The following EVC2 variants were observed in gnomAD, a reference collection of about 807,000 sequenced individuals.
EVC2 encodes limbin.
EVC2 carries 148 observed loss-of-function variants against 149.3 expected under a neutral mutation model. The observed-to-expected ratio is 0.99, with a 90% CI of 0.87 to 1.14. EVC2 has a LOEUF of 1.14. Ranked by LOEUF, EVC2 falls within the 50% of genes most tolerant of loss-of-function variation. EVC2 has a pLI of 0.00. For missense variants in EVC2, 1,854 were observed against 1,627.3 expected, an observed-to-expected ratio of 1.14 and a Z score of -2.40; for synonymous variants, 776 against 649.9, an observed-to-expected ratio of 1.19 and a Z score of -2.95.
At chr4:5,689,426 C>T (rs894268583) in intron 4 of EVC2, 83 bp from the exon 5 acceptor site, 5 of 1,370,640 alleles carry the variant, frequency 3.6e-6, no homozygotes, top group South Asian at 1.2e-5. Flanking sequence ...AGCCTGTGCA[C>T]ATTAGGCATC....
chr4:5,568,570 C>T lies in EVC2; in HGVS notation c.3431G>A (p.Ser1144Asn), dbSNP rs200609501. ...CTGTGAGGCTGTGGGCAGTACCACA[C>T]TCAGGAGCCGGCGAAGCGTGGCCCC... ...VPGATLRRLL[S>N]VVLPTASQPQ... Residue 1144 changes from serine (S) to asparagine (N), a missense_variant, in exon 20 of 22, where the codon AGT (serine) becomes AAT (asparagine). Physicochemically the swap from Ser to Asn is conservative, Grantham distance 46. Coordinates refer to ENST00000344408, the MANE Select transcript of EVC2 (RefSeq NM_147127.5). The T allele has an allele frequency of 4.8e-4, 771 of 1,607,020 alleles. 4 individuals carry two copies. Among genetic ancestry groups the T allele is most frequent in the Middle Eastern group, 3.8e-4 (2 of 5,280 alleles).
chr4:5,685,881 T>A (rs1720671873), intron 5 of EVC2, among the ~76,000 whole-genome samples: 1 of 152,170 alleles, frequency 6.6e-6, no homozygotes, highest in South Asian at 2.1e-4. Flanking sequence ...GGCCTTCGCC[T>A]GATGTGGCCG....
Position 5,568,580 on chromosome 4 carries a change from G to C in EVC2, c.3421C>G (p.Arg1141Gly). 6.2e-7 allele frequency: 1 copy of C among 1,607,622 alleles called. No individual in the cohort carries two copies. The highest frequency in any genetic ancestry group is 8.5e-7 in the Non-Finnish European group (1 of 1,179,568). Residue 1141 changes from arginine (R) to glycine (G), a missense_variant, in exon 20 of 22, where the codon CGG (arginine) becomes GGG (glycine). By Grantham distance (125) the Arg-to-Gly change is moderately radical. Transcript: ENST00000344408. ...MAMVPGATLR[R>G]LLSVVLPTAS... Reference sequence around the variant, plus strand: ...GTGGGCAGTACCACACTCAGGAGCCGGCGAAGCGTGGCCCCGGGCACCATG... The same window carrying C: ...GTGGGCAGTACCACACTCAGGAGCCCGCGAAGCGTGGCCCCGGGCACCATG...
intron 7 of EVC2, among the ~76,000 whole-genome samples, chr4:5,673,270 T>A (rs774758216): frequency 3.3e-5 from 5 of 151,792 alleles, no homozygotes; most frequent in Non-Finnish European, 7.4e-5. Context: ...GTCAACAGAG[T>A]GTTGTGATGG....
intron 10 of EVC2, among the ~76,000 whole-genome samples, chr4:5,639,832 T>A (rs1717185543): frequency 6.6e-6 from 1 of 151,856 alleles, no homozygotes; most frequent in Non-Finnish European, 1.5e-5. Flanking sequence ...AACATACCTC[T>A]ATTATAACAT....
At chr4:5,658,155 T>G (rs1437746770) in intron 9 of EVC2, among the ~76,000 whole-genome samples, 1 of 152,348 alleles carries the variant, frequency 6.6e-6, no homozygotes, top group East Asian at 1.9e-4. Context: ...TACTTGCTAG[T>G]GTCCGGCAAA....
At chr4:5,551,234 ACACT>A (rs1721731587) in intron 21 of EVC2, among the ~76,000 whole-genome samples, 1 of 152,200 alleles carries the variant, frequency 6.6e-6, no homozygotes, top group Non-Finnish European at 1.5e-5. Context: ...AAAGCTGCAG[ACACT>A]CAATGCCAGC....
chr4:5,640,754 C>T lies in EVC2; in HGVS notation c.1230G>A (p.Leu410=), dbSNP rs1302326375. Residue 410 remains leucine, a synonymous_variant, in exon 10 of 22, where the codon CTG becomes CTA. Coordinates refer to ENST00000344408, the MANE Select transcript of EVC2 (RefSeq NM_147127.5). The surrounding 1 kb of genome is among the most constrained non-coding windows in gnomAD (Gnocchi z 4.6). ...GGCCACTGCTGGTGAGATTTTTCAG[C>T]AGAAGGGCAATGATATCCTTGCTGA... The part of the protein sequence containing the change: ...TQISKDIIAL[L]LKNLTSSGHL... 6.2e-7 allele frequency: 1 copy of T among 1,614,150 alleles called. No homozygotes were observed.
intron 10 of EVC2, 96 bp from the exon 11 acceptor site, chr4:5,632,128 C>T (rs1716588633): frequency 1.4e-6 from 2 of 1,476,652 alleles, no homozygotes; most frequent in Middle Eastern, 2.4e-4. Context: ...TGTGCACACA[C>T]AATGTGTACA....
chr4:5,629,230 A>C (rs1306440210), intron 11 of EVC2, among the ~76,000 whole-genome samples: 1 of 152,260 alleles, frequency 6.6e-6, no homozygotes, highest in Admixed American at 6.5e-5. Context: ...GTAACCAAAC[A>C]CAGGAGAGTA....
rs371474304 is a variant in EVC2, at chr4:5,613,017, A to G, written c.2829+2405T>C. 4.0e-5 allele frequency among the ~76,000 whole-genome samples: 6 copies of G among 148,776 alleles called. No individual in the cohort carries two copies. The East Asian group carries it at 8.1e-4, about 20-fold the overall frequency. ...CAGGGAGGGGTTATGGAGGGTGTTG[A>G]GGTCCAGCCTTGAGCCACTGGGTGG... On this transcript the variant is annotated intron_variant, in intron 16 of 21. Coordinates refer to ENST00000344408, the MANE Select transcript of EVC2 (RefSeq NM_147127.5). The surrounding 1 kb of genome is among the most constrained non-coding windows in gnomAD (Gnocchi z 4.6).
At chr4:5,608,257 C>G (rs944944977) in intron 16 of EVC2, among the ~76,000 whole-genome samples, 1 of 152,216 alleles carries the variant, frequency 6.6e-6, no homozygotes. Flanking sequence ...CCAGCATACT[C>G]TGCAGCCCAA....
intron 1 of EVC2, among the ~76,000 whole-genome samples, chr4:5,700,133 C>T (rs559960408): frequency 1.3e-5 from 2 of 151,948 alleles, no homozygotes; most frequent in Admixed American, 1.3e-4. Context: ...GAGCGAGACT[C>T]CGTCTCAAAA....
chr4:5,701,177 T>C (rs144023321), intron 1 of EVC2, among the ~76,000 whole-genome samples: 4 of 152,334 alleles, frequency 2.6e-5, no homozygotes, highest in African/African-American at 9.6e-5. Flanking sequence ...TCACGTTGCA[T>C]CTCTCTGACC....
At chr4:5,584,098 A>G (rs984927825) in intron 17 of EVC2, among the ~76,000 whole-genome samples, 9 of 152,140 alleles carry the variant, frequency 5.9e-5, no homozygotes, top group African/African-American at 1.9e-4. Context: ...TCCTTATTAT[A>G]AGTAATTATG....
Position 5,640,730 on chromosome 4 carries a change from G to A in EVC2, c.1254C>T (p.Gly418=), listed in dbSNP as rs2108864185. ...TTCTCTCTACTTGGGGTGAGAGGTG[G>A]CCACTGCTGGTGAGATTTTTCAGCA... The part of the protein sequence containing the change: ...ALLLKNLTSS[G]HLSPQVERKM... The change falls in exon 10 of 22, where the codon GGC becomes GGT. Residue 418 remains glycine, a synonymous_variant. Transcript: ENST00000344408. The surrounding 1 kb of genome is among the most constrained non-coding windows in gnomAD (Gnocchi z 4.6). 2 of 1,614,132 alleles carry A rather than the reference G, an allele frequency of 1.2e-6. No homozygotes were observed. Among genetic ancestry groups the A allele is most frequent in the Non-Finnish European group, 1.7e-6 (2 of 1,180,028 alleles).
intron 9 of EVC2, among the ~76,000 whole-genome samples, chr4:5,644,240 C>T (rs1490884088): frequency 1.3e-5 from 2 of 152,082 alleles, no homozygotes; most frequent in Admixed American, 1.3e-4. Flanking sequence ...ATTTGTTTTC[C>T]TTCTTTTTTT....
Position 5,576,849 on chromosome 4 carries a change from C to T in EVC2, c.3058-395G>A, listed in dbSNP as rs1560133768. Among the ~76,000 whole-genome samples the T allele has an allele frequency of 6.6e-6, 1 of 152,226 alleles. No homozygotes were observed. Among genetic ancestry groups the T allele is most frequent in the Admixed American group, 6.5e-5 (1 of 15,286 alleles). ...CTTGCATGCACTCTGTTTCCTGTCACCTGAAATCACTGTCCTGTGCCTTTC... is the reference window on the plus strand; with the variant it reads ...CTTGCATGCACTCTGTTTCCTGTCATCTGAAATCACTGTCCTGTGCCTTTC... On this transcript the variant is annotated intron_variant, in intron 17 of 21. Transcript: ENST00000344408. This position sits in a 1 kb window ranked among gnomAD's most constrained non-coding sequence, Gnocchi z 4.5.
At chr4:5,653,581 G>C (rs1403374270) in intron 9 of EVC2, among the ~76,000 whole-genome samples, 2 of 152,132 alleles carry the variant, frequency 1.3e-5, no homozygotes, top group Non-Finnish European at 2.9e-5. Context: ...TTTTCCTCTG[G>C]ACAGAAAAGG....
Sources: allele counts gnomAD v4.1 joint callset (sites outside exome capture counted in the v4.1 genomes callset), GRCh38; gene constraint gnomAD v4.1.1; non-coding constraint Gnocchi (gnomAD v3.1); transcripts MANE v1.5; gene names NCBI Gene and HGNC (gene_info 2026-07-23, HGNC 2026-07-21).